MCTP1: variants seen among roughly 807,000 people sequenced by gnomAD.
The protein encoded by MCTP1 is multiple C2 and transmembrane domain-containing protein 1.
In MCTP1, 69 loss-of-function variants were observed where a neutral mutation model predicts 120.6. That is an observed-to-expected ratio of 0.57 (90% CI 0.47 to 0.70). The LOEUF is 0.70. Among genes scored for constraint, MCTP1 ranks in the 30% least tolerant of loss-of-function variants. The pLI is 0.00. For synonymous variants in MCTP1, 529 were observed against 493.1 expected, an observed-to-expected ratio of 1.07 and a Z score of -0.96; for missense variants, 1,203 against 1,248.8, an observed-to-expected ratio of 0.96 and a Z score of 0.55.
intron 1 of MCTP1, among the ~76,000 whole-genome samples, chr5:95,096,030 T>G (rs1356134450): frequency 6.6e-6 from 1 of 152,146 alleles, no homozygotes; most frequent in Non-Finnish European, 1.5e-5. Flanking sequence ...GAGTTAGAAC[T>G]AAGCTAACGC....
intron 1 of MCTP1, among the ~76,000 whole-genome samples, chr5:95,273,380 A>G (rs1188101031): frequency 6.6e-6 from 1 of 152,174 alleles, no homozygotes; most frequent in Non-Finnish European, 1.5e-5. Context: ...GAGGATGCAT[A>G]TTTTAACATG....
At chr5:94,838,056 G>C (rs1272782059) in intron 17 of MCTP1, among the ~76,000 whole-genome samples, 1 of 152,158 alleles carries the variant, frequency 6.6e-6, no homozygotes, top group Non-Finnish European at 1.5e-5. Flanking sequence ...TCTTGGATTT[G>C]ATTTGGCTCT....
intron 2 of MCTP1, among the ~76,000 whole-genome samples, chr5:94,973,829 A>G (rs550878990): frequency 6.6e-6 from 1 of 152,254 alleles, no homozygotes; most frequent in Non-Finnish European, 1.5e-5. Context: ...AGTGTGGTAC[A>G]GGGTAGTTCA....
intron 17 of MCTP1, among the ~76,000 whole-genome samples, chr5:94,827,279 G>A (rs1787355241): frequency 6.6e-6 from 1 of 152,124 alleles, no homozygotes; most frequent in Admixed American, 6.5e-5. Flanking sequence ...TTTTCTTTAA[G>A]AGTGTTGAAT....
intron 2 of MCTP1, among the ~76,000 whole-genome samples, chr5:94,955,658 G>C (rs368482383): frequency 6.6e-6 from 1 of 152,174 alleles, no homozygotes; most frequent in Non-Finnish European, 1.5e-5. Flanking sequence ...AGAAAGTTCA[G>C]ACAGGGCAGA....
chr5:94,941,323 T>C (rs1285609945), intron 4 of MCTP1, among the ~76,000 whole-genome samples: 1 of 151,986 alleles, frequency 6.6e-6, no homozygotes, highest in Non-Finnish European at 1.5e-5. Flanking sequence ...GGTGTGAGCC[T>C]GTGCTAGGTT....
At chr5:95,283,570 T>G (rs1041227609) in intron 1 of MCTP1, among the ~76,000 whole-genome samples, 3 of 152,258 alleles carry the variant, frequency 2.0e-5, no homozygotes, top group Admixed American at 6.5e-5. Context: ...TCAGGAGAAC[T>G]CTAAAAAGTA....
chr5:94,811,723 T>G (rs529679146), intron 17 of MCTP1, among the ~76,000 whole-genome samples: 1 of 152,292 alleles, frequency 6.6e-6, no homozygotes, highest in African/African-American at 2.4e-5. Flanking sequence ...GCATTGTAAT[T>G]AGCTCTTGTC....
At chr5:94,779,300 G>A (rs1776098745) in intron 18 of MCTP1, 137 bp from the exon 19 acceptor site, 4 of 719,518 alleles carry the variant, frequency 5.6e-6, no homozygotes, top group Admixed American at 2.2e-5. Flanking sequence ...GATCTAGAGA[G>A]AGTGATTAGG....
At chr5:95,146,944 C>A (rs1166569551) in intron 1 of MCTP1, among the ~76,000 whole-genome samples, 1 of 152,088 alleles carries the variant, frequency 6.6e-6, no homozygotes, top group Non-Finnish European at 1.5e-5. Flanking sequence ...TAGTTTTATG[C>A]CTCAATGATC....
chr5:94,721,844 G>GT (rs11423883), intron 19 of MCTP1, among the ~76,000 whole-genome samples: 41,890 of 134,898 alleles, frequency 0.31, 6,570 homozygotes, highest in South Asian at 0.47. Flanking sequence ...ACACTGTTTT[G>GT]TTTTTTTTTT....
At chr5:94,858,035 C>T (rs1795035025) in intron 17 of MCTP1, among the ~76,000 whole-genome samples, 1 of 151,766 alleles carries the variant, frequency 6.6e-6, no homozygotes, top group South Asian at 2.1e-4. Flanking sequence ...TACACTTTTT[C>T]CTGGCATTTA....
chr5:94,750,570 G>A (rs958636719), intron 19 of MCTP1, among the ~76,000 whole-genome samples: 1 of 152,158 alleles, frequency 6.6e-6, no homozygotes, highest in Non-Finnish European at 1.5e-5. Context: ...AAGAGCCAGT[G>A]CTTCTCTTTC....
chr5:94,724,396 C>T (rs574998513), intron 19 of MCTP1, among the ~76,000 whole-genome samples: 2 of 147,424 alleles, frequency 1.4e-5, no homozygotes, highest in Non-Finnish European at 3.0e-5. Context: ...CAGGTGTGCA[C>T]CACCACGTCT....
chr5:95,277,015 G>T (rs1451688254), intron 1 of MCTP1, among the ~76,000 whole-genome samples: 1 of 152,032 alleles, frequency 6.6e-6, no homozygotes, highest in Non-Finnish European at 1.5e-5. Flanking sequence ...AGGAGAAGTA[G>T]CAGTGAAGAA....
chr5:95,115,535 A>G (rs1757762652), intron 1 of MCTP1, among the ~76,000 whole-genome samples: 1 of 151,990 alleles, frequency 6.6e-6, no homozygotes, highest in Admixed American at 6.6e-5. Context: ...TTGATCAAGC[A>G]GAAGAAAGAA....
chr5:94,795,044 T>C (rs1241596711), intron 18 of MCTP1, among the ~76,000 whole-genome samples: 1 of 152,128 alleles, frequency 6.6e-6, no homozygotes, highest in Non-Finnish European at 1.5e-5. Flanking sequence ...TGTTTTTGGG[T>C]AAGTTATTTA....
chr5:95,199,139 C>A (rs971643134), intron 1 of MCTP1, among the ~76,000 whole-genome samples: 8 of 152,224 alleles, frequency 5.3e-5, no homozygotes, highest in Admixed American at 1.3e-4. Context: ...AACATAAATA[C>A]AAATTTTAAA....
chr5:95,221,408 C>A (rs1306959312), intron 1 of MCTP1, among the ~76,000 whole-genome samples: 1 of 152,158 alleles, frequency 6.6e-6, no homozygotes, highest in Non-Finnish European at 1.5e-5. Flanking sequence ...GCAGGTTTTG[C>A]ACAGGGACCG....
Sources: allele counts gnomAD v4.1 joint callset (sites outside exome capture counted in the v4.1 genomes callset), GRCh38; gene constraint gnomAD v4.1.1; transcripts MANE v1.5; gene names NCBI Gene and HGNC (gene_info 2026-07-23, HGNC 2026-07-21).